Variants in PPP1R1B observed in about 807,000 individuals in gnomAD.
PPP1R1B encodes the protein protein phosphatase 1 regulatory subunit 1B.
PPP1R1B carries 13 observed loss-of-function variants against 28.2 expected under a neutral mutation model. The observed-to-expected ratio is 0.46, with a 90% CI of 0.30 to 0.73. The LOEUF is 0.73. Ranked by LOEUF, PPP1R1B falls within the 30% of genes least tolerant of loss-of-function variation. The probability of loss-of-function intolerance (pLI) is 0.07; values close to 1 mark genes in which losing one functional copy is unlikely to be tolerated. For synonymous variants in PPP1R1B, 102 were observed against 97.5 expected, an observed-to-expected ratio of 1.05 and a Z score of -0.27; for missense variants, 236 against 256.7, an observed-to-expected ratio of 0.92 and a Z score of 0.55.
chr17:39,630,305 G>A (rs567064681), intron 4 of PPP1R1B: 1 of 477,476 alleles, frequency 2.1e-6, no homozygotes, highest in African/African-American at 1.9e-5. Context: ...GCTGGCCTAA[G>A]ACAACCAGCA....
At chr17:39,633,850 G>T in intron 4 of PPP1R1B, 33 bp from the exon 5 acceptor site, 2 of 1,611,468 alleles carry the variant, frequency 1.2e-6, no homozygotes, top group South Asian at 1.1e-5. Flanking sequence ...GTGTCTAGCT[G>T]ACCCTTGCTT....
At chr17:39,629,293 C>T in intron 2 of PPP1R1B, 63 bp downstream of exon 2, 1 of 1,528,420 alleles carries the variant, frequency 6.5e-7, no homozygotes, top group South Asian at 1.1e-5. Context: ...TCCTAGGGGC[C>T]CTGCCAAAGT....
intron 5 of PPP1R1B, 109 bp downstream of exon 5, chr17:39,634,195 A>G (rs2056900294): frequency 7.2e-7 from 1 of 1,395,338 alleles, no homozygotes; most frequent in African/African-American, 1.4e-5. Context: ...TAGTGACACC[A>G]CAGGGGCCTC....
chr17:39,634,055 G>C lies in PPP1R1B; in HGVS notation c.414G>C (p.Gln138His). Residue 138 changes from glutamine to histidine, a missense_variant, in exon 5 of 7, where the codon CAG (glutamine) becomes CAC (histidine). Coordinates refer to ENST00000254079, the MANE Select transcript of PPP1R1B (RefSeq NM_032192.4). Reference sequence around the variant, plus strand: ...AAGAGGAAGAAGAAGAGGACAGCCAGGCTGAAGTCCTGAAGGTCATCAGGC... The same window carrying C: ...AAGAGGAAGAAGAAGAGGACAGCCACGCTGAAGTCCTGAAGGTCATCAGGC... ...DEEEEEEEDS[Q>H]AEVLKVIRQS... The C allele has an allele frequency of 6.2e-7, 1 of 1,613,928 alleles. No individual in the cohort carries two copies. The highest frequency in any genetic ancestry group is 8.5e-7 in the Non-Finnish European group (1 of 1,179,950).
chr17:39,631,469 G>A (rs1239857379), intron 4 of PPP1R1B, among the ~76,000 whole-genome samples: 1 of 152,264 alleles, frequency 6.6e-6, no homozygotes, highest in Non-Finnish European at 1.5e-5. Flanking sequence ...ACATAGGAGG[G>A]CCTCTTCCTG....
intron 4 of PPP1R1B, 168 bp from the exon 5 acceptor site, chr17:39,633,715 A>G: frequency 1.7e-6 from 2 of 1,194,640 alleles, no homozygotes; most frequent in Non-Finnish European, 2.3e-6. Flanking sequence ...CTGGTCTGAC[A>G]CCCATCAGGC....
intron 4 of PPP1R1B, chr17:39,630,317 G>T (rs991164922): frequency 4.4e-6 from 2 of 458,606 alleles, no homozygotes; most frequent in East Asian, 3.9e-5. Context: ...CAACCAGCAG[G>T]CATCCGCGTG....
Position 39,635,909 on chromosome 17 carries a change from C to A in PPP1R1B, c.*44C>A. On this transcript the variant is annotated 3_prime_UTR_variant, in exon 7 of 7. Coordinates refer to ENST00000254079, the MANE Select transcript of PPP1R1B (RefSeq NM_032192.4). ...CCAGGAGGAAGTGGAGGGGACATCG[C>A]TGTTCCCCAGAAACCCACTCTATCC... 1.9e-6 allele frequency: 3 copies of A among 1,600,498 alleles called. No individual in the cohort carries two copies. The highest frequency in any genetic ancestry group is 2.6e-6 in the Non-Finnish European group (3 of 1,172,212).
chr17:39,634,806 T>C (rs2056905240), intron 5 of PPP1R1B, among the ~76,000 whole-genome samples: 1 of 152,190 alleles, frequency 6.6e-6, no homozygotes, highest in Admixed American at 6.5e-5. Context: ...TTCAGTCCCT[T>C]TGTGGGCAAG....
intron 2 of PPP1R1B, 71 bp from the exon 3 acceptor site, chr17:39,629,469 T>TTC (rs753082819): frequency 6.9e-6 from 11 of 1,586,554 alleles, no homozygotes; most frequent in Non-Finnish European, 8.6e-6. Context: ...CTCGGATTCT[T>TTC]TCTCTCTCTC....
At chr17:39,628,770 C>A in intron 1 of PPP1R1B, 2 of 952,648 alleles carry the variant, frequency 2.1e-6, no homozygotes, top group Non-Finnish European at 2.5e-6. Context: ...CCAGCCGTGG[C>A]AGCTGGAGCT....
chr17:39,629,637 C>G, intron 3 of PPP1R1B, 75 bp downstream of exon 3: 1 of 1,511,474 alleles, frequency 6.6e-7, no homozygotes, highest in Non-Finnish European at 9.1e-7. Flanking sequence ...CCTGCAGTGA[C>G]AACCAACCAG....
At position 39,627,568 on chromosome 17, in the gene PPP1R1B, G is replaced by A. The variant is rs537471807; in HGVS notation, c.81+95G>A. On this transcript the variant is annotated intron_variant, in intron 1 of 6. Transcript: ENST00000254079. ...GCGCTGCCCCGGCCGGACTGGCCTG[G>A]GGGTGGGGGCGCAAGGAGAGCCGGG... 11 of 791,574 alleles carry A rather than the reference G, an allele frequency of 1.4e-5. No homozygotes were observed. In the Admixed American group the frequency reaches 2.7e-4, roughly 20 times the overall value. 49.0% of individuals were successfully genotyped at this position (791,574 alleles called of 1,614,324 possible).
chr17:39,628,341 G>A (rs570500966), intron 1 of PPP1R1B, among the ~76,000 whole-genome samples: 1 of 151,474 alleles, frequency 6.6e-6, no homozygotes, highest in East Asian at 1.9e-4. Flanking sequence ...TGGGGAGGTG[G>A]CAGTTTCAGC....
At chr17:39,633,517 G>A in intron 4 of PPP1R1B, 1 of 211,596 alleles carries the variant, frequency 4.7e-6, no homozygotes, top group South Asian at 7.5e-5. Context: ...GAAGCTGGGA[G>A]ACACTGTCTC....
intron 1 of PPP1R1B, chr17:39,628,855 G>A (rs1441271929): frequency 4.7e-6 from 2 of 426,910 alleles, no homozygotes; most frequent in African/African-American, 2.1e-5. Flanking sequence ...GGAGAAGATA[G>A]GAAGGGAGAT....
chr17:39,634,199 G>A (rs1428889341), intron 5 of PPP1R1B, 113 bp downstream of exon 5: 19 of 1,345,886 alleles, frequency 1.4e-5, no homozygotes, highest in Admixed American at 1.1e-4. Context: ...GACACCACAG[G>A]GGCCTCCCTG....
intron 3 of PPP1R1B, 133 bp downstream of exon 3, chr17:39,629,695 C>A: frequency 1.1e-6 from 1 of 913,608 alleles, no homozygotes; most frequent in Non-Finnish European, 1.7e-6. Context: ...ATGGGCAGTC[C>A]TCTGAGAGTG....
intron 1 of PPP1R1B, among the ~76,000 whole-genome samples, 180 bp from the exon 2 acceptor site, chr17:39,628,990 C>A (rs1052970328): frequency 6.6e-6 from 1 of 152,148 alleles, no homozygotes; most frequent in Admixed American, 6.5e-5. Flanking sequence ...CTCTCTGAGC[C>A]CTGCTTTTTC....
Sources: allele counts gnomAD v4.1 joint callset (sites outside exome capture counted in the v4.1 genomes callset), GRCh38; gene constraint gnomAD v4.1.1; transcripts MANE v1.5; gene names NCBI Gene and HGNC (gene_info 2026-07-23, HGNC 2026-07-21).